Variants in MYO16 observed in about 807,000 individuals in gnomAD.
The protein encoded by MYO16 is unconventional myosin-XVI.
A neutral mutation model predicts 205.3 loss-of-function variants in MYO16; 94 were observed. That is an observed-to-expected ratio of 0.46 (90% CI 0.39 to 0.54). The LOEUF (loss-of-function observed/expected upper bound fraction) is 0.54, where lower values mean the gene tolerates loss of function less well. Ranked by LOEUF, MYO16 falls within the 20% of genes least tolerant of loss-of-function variation. MYO16 has a pLI of 0.00. For synonymous variants in MYO16, 988 were observed against 954.0 expected (o/e 1.04, Z -0.66); for missense variants, 2,315 against 2,387.5 (o/e 0.97, Z 0.63).
In MYO16 at chr13:108,793,616, GA is replaced by G; in HGVS notation, c.722del (p.Asn241ThrfsTer5). 6.2e-7 allele frequency: 1 copy of G among 1,613,702 alleles called. No individual in the cohort carries two copies. The highest frequency in any genetic ancestry group is 1.3e-5 in the African/African-American group (1 of 75,044). ...FLSSGGNVNE[K>X]NDEGVTLLHM... ...TATCATCTGGAGGAAATGTCAATGA[GA>G]AAAACGATGAAGGAGTAACCCTGGT... On this transcript the variant is annotated frameshift_variant, in exon 6 of 35. Transcript: ENST00000457511. LOFTEE classifies it high-confidence loss of function.
intron 27 of MYO16, among the ~76,000 whole-genome samples, chr13:109,073,746 A>G (rs996083682): frequency 2.0e-5 from 3 of 152,182 alleles, no homozygotes; most frequent in African/African-American, 7.2e-5. Flanking sequence ...ACTAATCCTC[A>G]CCGGTTAAAT....
At chr13:109,023,660 T>TACAA (rs1886216866) in intron 23 of MYO16, among the ~76,000 whole-genome samples, 1 of 96,720 alleles carries the variant, frequency 1.0e-5, no homozygotes, top group African/African-American at 3.7e-5. Context: ...TGTATATATG[T>TACAA]ATATATGCAA....
chr13:108,769,959 T>C (rs561646474), intron 4 of MYO16, among the ~76,000 whole-genome samples: 119 of 152,328 alleles, frequency 7.8e-4, no homozygotes, highest in Non-Finnish European at 1.4e-3. Context: ...TGCCTAGATA[T>C]ATGTATAATA....
intron 11 of MYO16, among the ~76,000 whole-genome samples, chr13:108,861,822 T>G (rs775009976): frequency 6.6e-5 from 10 of 151,572 alleles, no homozygotes; most frequent in Non-Finnish European, 1.2e-4. Flanking sequence ...TATATAGGAG[T>G]TTTTATGTAT....
At chr13:108,851,667 C>CT (rs1325277740) in intron 10 of MYO16, among the ~76,000 whole-genome samples, 3 of 152,196 alleles carry the variant, frequency 2.0e-5, no homozygotes, top group Non-Finnish European at 4.4e-5. Flanking sequence ...GGCAGCTCCT[C>CT]TTTTTCTTAA....
In MYO16 at chr13:108,666,071, C is replaced by A. The variant is rs367744380; in HGVS notation, c.214C>A (p.His72Asn). Residue 72 changes from histidine (H) to asparagine (N), a missense_variant, in exon 2 of 35, where the codon CAT (histidine) becomes AAT (asparagine). Coordinates refer to ENST00000457511, the MANE Select transcript of MYO16 (RefSeq NM_001198950.3). ...GGAAGGGTTCCTGAAAAGGCTGAAG[C>A]ATGCGAAGAATCCGAAAGTTCACTT... The part of the protein sequence containing the change: ...KQEGFLKRLK[H>N]AKNPKVHFNL... 5.0e-6 allele frequency: 8 copies of A among 1,613,996 alleles called. No homozygotes were observed. The highest frequency in any genetic ancestry group is 1.7e-5 in the Admixed American group (1 of 59,984).
intron 15 of MYO16, among the ~76,000 whole-genome samples, 170 bp from the exon 16 acceptor site, chr13:108,909,833 G>A (rs910025857): frequency 6.6e-6 from 1 of 152,034 alleles, no homozygotes. Flanking sequence ...TTTCAGCATC[G>A]TATTGAAAGT....
At chr13:108,537,278 A>T in the MYO16 span, among the ~76,000 whole-genome samples, 1 of 152,018 alleles carries the variant, frequency 6.6e-6, no homozygotes, top group Non-Finnish European at 1.5e-5. Context: ...GAGTTATTTC[A>T]CTTACGATAA....
At chr13:109,012,244 C>T (rs1885626667) in intron 22 of MYO16, among the ~76,000 whole-genome samples, 1 of 152,146 alleles carries the variant, frequency 6.6e-6, no homozygotes, top group South Asian at 2.1e-4. Flanking sequence ...GGGGCACAGA[C>T]CAGTACTGGT....
chr13:108,509,751 A>G, the MYO16 span, among the ~76,000 whole-genome samples: 19,429 of 152,216 alleles, frequency 0.13, 1,405 homozygotes, highest in East Asian at 0.23. Context: ...TACATATGTA[A>G]AAAACCTGCA....
In MYO16 at chr13:108,640,408, G is replaced by A. The variant is rs187963325; in HGVS notation, c.28+10536G>A. 7.5e-4 allele frequency among the ~76,000 whole-genome samples: 114 copies of A among 152,276 alleles called. 1 individual carries two copies. The highest frequency in any genetic ancestry group is 2.6e-3 in the African/African-American group (107 of 41,558). ...CTTGCAATGACTTGAGCTGCAATTGGAAGGGAATGAAGAGTACAGAACACA... is the reference window on the plus strand; with the variant it reads ...CTTGCAATGACTTGAGCTGCAATTGAAAGGGAATGAAGAGTACAGAACACA... On this transcript the variant is annotated intron_variant, in intron 1 of 34. Transcript: ENST00000457511.
the MYO16 span, among the ~76,000 whole-genome samples, chr13:108,522,107 G>A: frequency 2.0e-5 from 3 of 152,290 alleles, no homozygotes; most frequent in Middle Eastern, 3.4e-3. Context: ...ACAAATTTAA[G>A]TACAAAGACT....
intron 16 of MYO16, among the ~76,000 whole-genome samples, chr13:108,942,782 ATCT>A: frequency 6.6e-6 from 1 of 152,238 alleles, no homozygotes; most frequent in Non-Finnish European, 1.5e-5. Flanking sequence ...AGGACTTACT[ATCT>A]TAAATCAGCA....
At chr13:108,618,576 C>A (rs182481718) in intron 1 of MYO16, among the ~76,000 whole-genome samples, 1 of 152,184 alleles carries the variant, frequency 6.6e-6, no homozygotes, top group African/African-American at 2.4e-5. Flanking sequence ...TCTAAGCTTA[C>A]GTTTGCATTT....
rs751233713 is a variant in MYO16 at position 108,752,808 on chromosome 13, A to ATCTTTTTTT, written c.507+25226_507+25227insCTTTTTTTT. 6.1e-4 allele frequency among the ~76,000 whole-genome samples: 55 copies of ATCTTTTTTT among 90,586 alleles called. 5 individuals carry two copies. Among genetic ancestry groups the ATCTTTTTTT allele is most frequent in the African/African-American group, 9.4e-4 (23 of 24,478 alleles). The allele number at this position is 90,586 out of a possible 152,430, so 59.4% of individuals were successfully genotyped here. On this transcript the variant is annotated intron_variant, in intron 4 of 34. Coordinates refer to ENST00000457511, the MANE Select transcript of MYO16 (RefSeq NM_001198950.3). Reference sequence around the variant, plus strand: ...AGACACCTGCCACCGTGCCCAGCTAATTTTTTTTTTTTTTTTTTTTTTTTT... The same window carrying ATCTTTTTTT: ...AGACACCTGCCACCGTGCCCAGCTAATCTTTTTTTTTTTTTTTTTTTTTTTTTTTTTTTT...
At chr13:108,614,875 A>G in intron 1 of MYO16, among the ~76,000 whole-genome samples, 1 of 81,900 alleles carries the variant, frequency 1.2e-5, no homozygotes, top group East Asian at 5.9e-4. Context: ...CTTAAAACAC[A>G]GGAGTAAATT....
chr13:109,004,002 G>GC (rs1372134549), intron 21 of MYO16, among the ~76,000 whole-genome samples: 1 of 152,166 alleles, frequency 6.6e-6, no homozygotes, highest in Non-Finnish European at 1.5e-5. Context: ...GGTATGTCTT[G>GC]TAAATAATCA....
At chr13:108,770,948 G>A (rs6492147) in intron 4 of MYO16, among the ~76,000 whole-genome samples, 17,603 of 152,194 alleles carry the variant, frequency 0.12, 1,229 homozygotes, top group African/African-American at 0.2. Flanking sequence ...AAATGATGAG[G>A]TTGGAAAGAG....
chr13:108,631,300 G>A (rs951278883), intron 1 of MYO16, among the ~76,000 whole-genome samples: 2 of 152,214 alleles, frequency 1.3e-5, no homozygotes, highest in Non-Finnish European at 2.9e-5. Flanking sequence ...TGGAGCATGG[G>A]TGGAAGCACA....
Sources: gnomAD v4.1 joint callset for allele counts (sites outside exome capture counted in the v4.1 genomes callset) on GRCh38, gnomAD v4.1.1 for gene constraint, MANE v1.5 for transcripts, NCBI Gene and HGNC (gene_info 2026-07-23, HGNC 2026-07-21) for gene names.